The following TG variants were observed in gnomAD, a reference collection of about 807,000 sequenced individuals.
TG encodes the protein thyroid hormones.
TG carries 270 observed loss-of-function variants against 324.7 expected under a neutral mutation model. The ratio of observed to expected loss-of-function variants is 0.83; its 90% CI spans 0.75 to 0.92. The LOEUF (loss-of-function observed/expected upper bound fraction) is 0.92. Among genes scored for constraint, TG ranks in the 40% least tolerant of loss-of-function variants. The pLI, the probability that TG is intolerant of heterozygous loss-of-function variation, is 0.00. For synonymous variants in TG, 1,401 were observed against 1,327.0 expected, an observed-to-expected ratio of 1.06 and a Z score of -1.21; for missense variants, 3,591 against 3,456.4, an observed-to-expected ratio of 1.04 and a Z score of -0.98.
At chr8:133,037,538 T>C (rs1175786612) in intron 41 of TG, 1 of 152,152 alleles carries the variant, frequency 6.6e-6, no homozygotes, top group Non-Finnish European at 1.5e-5. Context: ...TCTAATTCCA[T>C]CCTAAGCCAT....
chr8:132,917,466 A>G (rs937293825), intron 20 of TG, among the ~76,000 whole-genome samples: 1 of 152,110 alleles, frequency 6.6e-6, no homozygotes, highest in Non-Finnish European at 1.5e-5. Flanking sequence ...ATTGGTATAA[A>G]TGCAGGGAGT....
At chr8:132,998,840 C>G (rs1165842522) in intron 35 of TG, among the ~76,000 whole-genome samples, 1 of 152,132 alleles carries the variant, frequency 6.6e-6, no homozygotes, top group African/African-American at 2.4e-5. Context: ...ATGAAGGTCT[C>G]TGGGATTGAA....
At chr8:133,087,783 A>AG (rs1282308223) in intron 41 of TG, 2 of 152,200 alleles carry the variant, frequency 1.3e-5, no homozygotes, top group African/African-American at 4.8e-5. Context: ...CAGTGGGGCC[A>AG]GGCAGCAGGA....
chr8:133,006,410 AC>A, intron 35 of TG, among the ~76,000 whole-genome samples: 1 of 152,228 alleles, frequency 6.6e-6, no homozygotes, highest in East Asian at 1.9e-4. Context: ...AATTCTTGTC[AC>A]ATTTCTCAAG....
rs762590074 is a variant in TG at position 132,967,917 on chromosome 8, AG to A, written c.5813del (p.Gly1938AlafsTer4). On this transcript the variant is annotated frameshift_variant, in exon 31 of 48. Transcript: ENST00000220616. LOFTEE classifies it high-confidence loss of function. ...GATGACATCATGGAGTCCAATGCCC[AG>A]GGCTGCAGACTGATCCTGCCTCAGA... ...VCDDIMESNA[Q>X]GCRLILPQMP... 6.2e-7 allele frequency: 1 copy of A among 1,613,974 alleles called. No individual in the cohort carries two copies. Among genetic ancestry groups the A allele is most frequent in the East Asian group, 2.2e-5 (1 of 44,872 alleles).
rs569252473 is a variant in TG at position 133,116,676 on chromosome 8, G to A, written c.7822G>A (p.Val2608Ile). The part of the protein sequence containing the change: ...SAWAKRARGN[V>I]FMYHAPENYG... ...CTGGGCAAAGAGGGCCCGAGGAAACGTCTTCATGTACCATGCTCCTGAAAA... is the reference window on the plus strand; with the variant it reads ...CTGGGCAAAGAGGGCCCGAGGAAACATCTTCATGTACCATGCTCCTGAAAA... The change falls in exon 45 of 48, where the codon GTC becomes ATC. Residue 2608 changes from valine to isoleucine, a missense_variant. Physicochemically the swap from Val to Ile is conservative, Grantham distance 29 (BLOSUM62 3). Coordinates refer to ENST00000220616, the MANE Select transcript of TG (RefSeq NM_003235.5). 3.1e-5 allele frequency: 50 copies of A among 1,614,230 alleles called. No individual in the cohort carries two copies. In the East Asian group the frequency reaches 4.2e-4, roughly 14 times the overall value.
At chr8:133,072,208 T>C (rs1484569602) in intron 41 of TG, among the ~76,000 whole-genome samples, 2 of 152,250 alleles carry the variant, frequency 1.3e-5, no homozygotes, top group Non-Finnish European at 2.9e-5. Flanking sequence ...TTTGCAAAGC[T>C]GTTTGACAAC....
intron 5 of TG, among the ~76,000 whole-genome samples, chr8:132,880,873 T>C (rs1213197360): frequency 6.6e-6 from 1 of 152,226 alleles, no homozygotes; most frequent in African/African-American, 2.4e-5. Context: ...ATTTAGGGCA[T>C]TTACTATAAT....
Position 133,134,687 on chromosome 8 carries a change from G to T in TG, c.8200G>T (p.Gly2734Cys). 1 of 1,613,976 alleles carries T rather than the reference G, an allele frequency of 6.2e-7. No homozygotes were observed. The highest frequency in any genetic ancestry group is 1.1e-5 in the South Asian group (1 of 91,078). ...CCCCTCTGTTTCAGATGGAGCCAAG[G>T]GCGGGCAGTCAGCAGAGAGTGAAGA... is the stretch of plus-strand genomic sequence containing the variant. ...SLKTSADGAK[G>C]GQSAESEEEE... is the part of the protein sequence containing the mutation. The change falls in exon 48 of 48, where the codon GGC becomes TGC. Residue 2734 changes from glycine (G) to cysteine (C), a missense_variant. Gly to Cys is a radical substitution (Grantham distance 159). Coordinates refer to ENST00000220616, the MANE Select transcript of TG (RefSeq NM_003235.5).
chr8:132,948,632 C>A, intron 26 of TG, 144 bp from the exon 27 acceptor site: 1 of 961,870 alleles, frequency 1.0e-6, no homozygotes, highest in African/African-American at 1.6e-5. Flanking sequence ...CAATTTAAAA[C>A]CAGGCTCTTG....
At chr8:132,945,145 A>G (rs542158612) in intron 26 of TG, among the ~76,000 whole-genome samples, 57 of 152,330 alleles carry the variant, frequency 3.7e-4, no homozygotes, top group Non-Finnish European at 7.6e-4. Flanking sequence ...TTGTCATGTC[A>G]TGGCTTGAAT....
intron 35 of TG, among the ~76,000 whole-genome samples, chr8:133,000,926 T>G (rs189820235): frequency 1.3e-4 from 20 of 152,234 alleles, no homozygotes; most frequent in African/African-American, 1.9e-4. Flanking sequence ...AGGCTGCAAG[T>G]CTGAGATCAA....
chr8:132,874,867 G>C (rs1199859304), intron 5 of TG, among the ~76,000 whole-genome samples: 2 of 152,294 alleles, frequency 1.3e-5, no homozygotes, highest in Admixed American at 1.3e-4. Flanking sequence ...TGGCTTTACT[G>C]CTCTTTTTAG....
At chr8:133,120,641 T>C (rs79913250) in intron 45 of TG, among the ~76,000 whole-genome samples, 2,655 of 152,236 alleles carry the variant, frequency 0.017, 69 homozygotes, top group African/African-American at 0.059. Context: ...TGCACGTCAG[T>C]CTCTGGATCC....
In TG at chr8:132,908,096, G is replaced by A. The variant is rs559352239; in HGVS notation, c.3848-90G>A. 5.4e-6 allele frequency: 8 copies of A among 1,487,030 alleles called. No homozygotes were observed. In the South Asian group the frequency reaches 9.2e-5, roughly 17 times the overall value. 92.1% of individuals were successfully genotyped at this position (1,487,030 alleles called of 1,614,324 possible). On this transcript the variant is annotated intron_variant, in intron 17 of 47. Transcript: ENST00000220616. ...TGCTTATGTGTTTTGAGCTCAATGA[G>A]GAAGGGTTATTTTTGCAGAGGAAAT... is the stretch of plus-strand genomic sequence containing the variant.
chr8:132,897,579 G>A, intron 11 of TG, 70 bp from the exon 12 acceptor site: 2 of 1,601,620 alleles, frequency 1.2e-6, no homozygotes, highest in Non-Finnish European at 1.7e-6. Flanking sequence ...GACATACGTG[G>A]TTGTTCTCAG....
rs760517517 is a variant in TG at position 132,948,812 on chromosome 8, T to C, written c.5270T>C (p.Val1757Ala). Reference protein sequence around the residue: ...IICGLLSSPSVLLCNVKDWMD... With the variant: ...IICGLLSSPSALLCNVKDWMD... ...TGTGGGTTGCTGAGCTCACCCAGTG[T>C]CCTGCTTTGTAATGTCAAAGACTGG... Residue 1757 changes from valine (V) to alanine (A), a missense_variant, in exon 27 of 48, where the codon GTC (valine) becomes GCC (alanine). Val to Ala is a moderately conservative substitution (Grantham distance 64). Coordinates refer to ENST00000220616, the MANE Select transcript of TG (RefSeq NM_003235.5). The C allele has an allele frequency of 6.2e-7, 1 of 1,614,110 alleles. No homozygotes were observed. Among genetic ancestry groups the C allele is most frequent in the Non-Finnish European group, 8.5e-7 (1 of 1,180,042 alleles).
chr8:132,972,626 C>T lies in TG; in HGVS notation c.6084C>T (p.Asn2028=). The change falls in exon 34 of 48, where the codon AAC becomes AAT. Residue 2028 remains asparagine (N), a synonymous_variant. Transcript: ENST00000220616. ...GAGAGGTGACATGTCTCACTCTGAA[C>T]AGCTTGGGAATTCAGATGTGCAGTG... is the stretch of plus-strand genomic sequence containing the variant. ...KGGEVTCLTL[N]SLGIQMCSEE... 6.4e-7 allele frequency: 1 copy of T among 1,558,532 alleles called. No homozygotes were observed. The highest frequency in any genetic ancestry group is 8.7e-7 in the Non-Finnish European group (1 of 1,144,070).
At position 133,105,214 on chromosome 8, in the gene TG, G is replaced by A. The variant is rs78325043; in HGVS notation, c.7573-8208G>A. ...TTTCAAAAATTGGAGCATTATCAATGAGCAAAAATTGACTACAGGCTGTCT... is the reference window on the plus strand; with the variant it reads ...TTTCAAAAATTGGAGCATTATCAATAAGCAAAAATTGACTACAGGCTGTCT... On this transcript the variant is annotated intron_variant, in intron 43 of 47. Transcript: ENST00000220616. 1.6e-3 allele frequency among the ~76,000 whole-genome samples: 240 copies of A among 152,270 alleles called. 2 individuals are homozygous for A. Among genetic ancestry groups the A allele is most frequent in the African/African-American group, 5.3e-3 (222 of 41,556 alleles).
Sources: gnomAD v4.1 joint callset for allele counts (sites outside exome capture counted in the v4.1 genomes callset) on GRCh38, gnomAD v4.1.1 for gene constraint, MANE v1.5 for transcripts, NCBI Gene and HGNC (gene_info 2026-07-23, HGNC 2026-07-21) for gene names.